The following TMEM131 variants were observed in gnomAD, a reference collection of about 807,000 sequenced individuals.
The protein encoded by TMEM131 is transmembrane protein 131, also known as 2610524E03Rik.
Under a neutral mutation model 211.6 loss-of-function variants are expected in TMEM131, and 66 were observed. The observed-to-expected ratio is 0.31, with a 90% CI of 0.26 to 0.38. The LOEUF is 0.38. Ranked by LOEUF, TMEM131 falls within the 10% of genes least tolerant of loss-of-function variation. The probability of loss-of-function intolerance (pLI) is 1.00; values close to 1 mark genes in which losing one functional copy is unlikely to be tolerated. For synonymous variants in TMEM131, 844 were observed against 841.3 expected (o/e 1.00, Z -0.06); for missense variants, 2,036 against 2,299.3 (o/e 0.89, Z 2.34).
intron 25 of TMEM131, among the ~76,000 whole-genome samples, chr2:97,798,360 T>C (rs1454402578): frequency 6.6e-6 from 1 of 152,250 alleles, no homozygotes; most frequent in Admixed American, 6.5e-5. Context: ...CCACCAGTTC[T>C]TCATGGCTTC....
chr2:97,856,238 T>C (rs888534465), intron 5 of TMEM131, among the ~76,000 whole-genome samples: 14 of 152,180 alleles, frequency 9.2e-5, no homozygotes, highest in Middle Eastern at 3.2e-3. Context: ...GAAAGATGAA[T>C]GGCCTAAATG....
chr2:97,833,969 ATAT>A (rs1417470500), intron 10 of TMEM131, among the ~76,000 whole-genome samples: 2 of 152,122 alleles, frequency 1.3e-5, no homozygotes, highest in African/African-American at 4.8e-5. Flanking sequence ...AGCCCCCCAA[ATAT>A]TATTTTTTTG....
chr2:97,908,550 T>G (rs542663116), intron 3 of TMEM131, 108 bp downstream of exon 3: 1 of 753,346 alleles, frequency 1.3e-6, no homozygotes, highest in South Asian at 1.9e-5. Flanking sequence ...ATTTACAATT[T>G]GCTATTCCTT....
At chr2:97,852,900 A>G (rs1352336882) in intron 5 of TMEM131, among the ~76,000 whole-genome samples, 1 of 152,232 alleles carries the variant, frequency 6.6e-6, no homozygotes, top group African/African-American at 2.4e-5. Context: ...GACCTTAAGA[A>G]CTGTGCTAAA....
At chr2:97,840,462 T>C (rs1454943560) in intron 7 of TMEM131, among the ~76,000 whole-genome samples, 2 of 152,162 alleles carry the variant, frequency 1.3e-5, no homozygotes, top group Non-Finnish European at 2.9e-5. Flanking sequence ...CAGTGGCACA[T>C]GCCTGTCATC....
At chr2:97,901,190 G>C (rs1295660401) in intron 3 of TMEM131, among the ~76,000 whole-genome samples, 1 of 152,108 alleles carries the variant, frequency 6.6e-6, no homozygotes, top group Non-Finnish European at 1.5e-5. Flanking sequence ...CTCATATATA[G>C]GACAGTGGGT....
At position 97,812,477 on chromosome 2, in the gene TMEM131, T is replaced by A. The variant is rs762451513; in HGVS notation, c.1807A>T (p.Thr603Ser). 2 of 1,613,192 alleles carry A rather than the reference T, an allele frequency of 1.2e-6. No individual in the cohort carries two copies. Among genetic ancestry groups the A allele is most frequent in the Admixed American group, 3.3e-5 (2 of 59,894 alleles). ...AACTCTGGCAGGCTTGAAATTATTG[T>A]AGTTCTATTGCCTCTTTCCACAGCT... The part of the protein sequence containing the change: ...LVAVERGNRT[T>S]IISSLPEFEK... The change falls in exon 17 of 41, where the codon ACA becomes TCA. Residue 603 changes from threonine to serine, a missense_variant. Around this residue, in one of 3 missense-constraint regions of TMEM131, gnomAD observed 1,623 missense variants for 1,805.9 expected, o/e 0.90. Transcript: ENST00000186436.
chr2:97,875,702 G>A (rs1198813958), intron 4 of TMEM131, among the ~76,000 whole-genome samples: 1 of 152,078 alleles, frequency 6.6e-6, no homozygotes, highest in Non-Finnish European at 1.5e-5. Flanking sequence ...AGAATCTCTG[G>A]GACACATTCA....
intron 25 of TMEM131, among the ~76,000 whole-genome samples, chr2:97,798,428 C>T (rs1241023512): frequency 2.0e-5 from 3 of 152,232 alleles, no homozygotes; most frequent in South Asian, 2.1e-4. Flanking sequence ...TGGCATAGAT[C>T]GGTGTGTGTT....
At chr2:97,778,971 G>A (rs142778931) in intron 31 of TMEM131, among the ~76,000 whole-genome samples, 342 of 152,234 alleles carry the variant, frequency 2.2e-3, no homozygotes, top group Non-Finnish European at 4.3e-3. Context: ...CAAAAACATC[G>A]TGTGGATTCT....
At chr2:97,921,788 A>G (rs990331339) in intron 2 of TMEM131, among the ~76,000 whole-genome samples, 1 of 152,244 alleles carries the variant, frequency 6.6e-6, no homozygotes, top group Non-Finnish European at 1.5e-5. Context: ...CAAATGGTCA[A>G]GTAAACATGA....
chr2:97,860,833 C>T (rs558591487), intron 4 of TMEM131, among the ~76,000 whole-genome samples: 29 of 152,342 alleles, frequency 1.9e-4, no homozygotes, highest in African/African-American at 7.0e-4. Context: ...TGAGCACTCA[C>T]AGTACTTGGT....
In TMEM131 at chr2:97,908,644, T is replaced by TAAATC; in HGVS notation, c.290+13_290+14insGATTT. 6.3e-7 allele frequency: 1 copy of TAAATC among 1,584,180 alleles called. No individual in the cohort carries two copies. The highest frequency in any genetic ancestry group is 1.1e-5 in the South Asian group (1 of 88,634). ...AACCGAAAGTATGTTAATTATCTTA[T>TAAATC]TAAATATACTTACCTTTTCTGCTGA... On this transcript the variant is annotated intron_variant, in intron 3 of 40. Transcript: ENST00000186436.
chr2:97,993,762 GTATAAACTA>G (rs1680363471), intron 1 of TMEM131, among the ~76,000 whole-genome samples: 1 of 152,192 alleles, frequency 6.6e-6, no homozygotes, highest in Non-Finnish European at 1.5e-5. Context: ...GCACTAACAT[GTATAAACTA>G]TGCAAATGAG....
chr2:97,931,327 A>T (rs988352459), intron 1 of TMEM131, among the ~76,000 whole-genome samples: 2 of 152,046 alleles, frequency 1.3e-5, no homozygotes, highest in African/African-American at 4.8e-5. Context: ...TCAGTGTAAA[A>T]ATGTCAATGT....
chr2:97,804,621 CAAAAAAAAAA>C (rs71386034), intron 22 of TMEM131, among the ~76,000 whole-genome samples: 8 of 71,924 alleles, frequency 1.1e-4, no homozygotes, highest in African/African-American at 3.4e-4. Flanking sequence ...GACTCCGTCT[CAAAAAAAAAA>C]AAAAAAAAAA....
At chr2:97,979,254 T>C (rs186853223) in intron 1 of TMEM131, among the ~76,000 whole-genome samples, 8 of 152,316 alleles carry the variant, frequency 5.3e-5, no homozygotes, top group Admixed American at 5.2e-4. Flanking sequence ...CTAGAATTTT[T>C]TCAGCATGAC....
intron 11 of TMEM131, among the ~76,000 whole-genome samples, chr2:97,821,400 G>C (rs1682113540): frequency 6.6e-6 from 1 of 152,188 alleles, no homozygotes; most frequent in African/African-American, 2.4e-5. Context: ...CCAAATAAGG[G>C]AATAAAAGCT....
intron 1 of TMEM131, among the ~76,000 whole-genome samples, chr2:97,948,228 T>A (rs937884743): frequency 6.6e-5 from 10 of 152,046 alleles, no homozygotes; most frequent in Non-Finnish European, 1.5e-4. Flanking sequence ...TAGCTTTTAC[T>A]CCTCAAAAGA....
Sources: gnomAD v4.1 joint callset for allele counts (sites outside exome capture counted in the v4.1 genomes callset) on GRCh38, gnomAD v4.1.1 for gene constraint, gnomAD v4.1.1 regional missense constraint, MANE v1.5 for transcripts, NCBI Gene and HGNC (gene_info 2026-07-23, HGNC 2026-07-21) for gene names.